ASPSCR1: variants seen among roughly 807,000 people sequenced by gnomAD.
The protein encoded by ASPSCR1 is tether containing UBX domain for GLUT4.
ASPSCR1 carries 55 observed loss-of-function variants against 68.9 expected under a neutral mutation model. That is an observed-to-expected ratio of 0.80 (90% CI 0.64 to 1.00). The LOEUF (loss-of-function observed/expected upper bound fraction) is 1.00, where lower values mean the gene tolerates loss of function less well. ASPSCR1 is among the 50% of genes least tolerant of loss of function. The pLI, the probability that ASPSCR1 is intolerant of heterozygous loss-of-function variation, is 0.00. For missense variants in ASPSCR1, 765 were observed against 762.2 expected, an observed-to-expected ratio of 1.00 and a Z score of -0.04; for synonymous variants, 352 against 332.6, an observed-to-expected ratio of 1.06 and a Z score of -0.63.
intron 12 of ASPSCR1, chr17:82,015,511 C>A: frequency 2.0e-6 from 2 of 1,022,148 alleles, no homozygotes; most frequent in Non-Finnish European, 2.8e-6. Context: ...GGTTGGGGGT[C>A]CTGGCCTGTG....
intron 10 of ASPSCR1, 59 bp downstream of exon 10, chr17:82,010,927 G>A (rs1366472618): frequency 1.6e-5 from 25 of 1,573,332 alleles, no homozygotes; most frequent in Middle Eastern, 2.1e-4. Context: ...GGCCTCTCCC[G>A]GCTCCTTCCT....
chr17:82,009,412 G>T, intron 8 of ASPSCR1, 74 bp from the exon 9 acceptor site: 1 of 1,465,468 alleles, frequency 6.8e-7, no homozygotes, highest in African/African-American at 1.4e-5. Flanking sequence ...GAGGGTGCAG[G>T]TGAGGAGCCC....
intron 4 of ASPSCR1, among the ~76,000 whole-genome samples, chr17:81,994,425 G>A (rs1197054701): frequency 1.3e-5 from 2 of 152,212 alleles, no homozygotes; most frequent in East Asian, 1.9e-4. Flanking sequence ...CCCAGACGTC[G>A]GTACCCTGAC....
Position 81,977,888 on chromosome 17 carries a change from C to T in ASPSCR1, c.102+140C>T, listed in dbSNP as rs2041657470. 7.4e-6 allele frequency: 4 copies of T among 541,234 alleles called. No homozygotes were observed. The highest frequency in any genetic ancestry group is 1.2e-3 in the Middle Eastern group (2 of 1,672). 33.5% of individuals were successfully genotyped at this position (541,234 alleles called of 1,614,324 possible). ...GCGGCCTCCTGAGCGGCGGCCCCGC[C>T]CCCTGCTCGCCGTCACCTGCGCTTC... On this transcript the variant is annotated intron_variant, in intron 1 of 15. Transcript: ENST00000306739. This position sits in a 1 kb window ranked among gnomAD's most constrained non-coding sequence, Gnocchi z 5.0.
chr17:81,995,762 G>A (rs1414497567), intron 5 of ASPSCR1, among the ~76,000 whole-genome samples: 2 of 152,236 alleles, frequency 1.3e-5, no homozygotes, highest in South Asian at 4.1e-4. Context: ...ACCAGGCTGG[G>A]GGAGACACGG....
intron 7 of ASPSCR1, among the ~76,000 whole-genome samples, chr17:82,000,757 A>G (rs2042502535): frequency 6.6e-6 from 1 of 152,170 alleles, no homozygotes; most frequent in Admixed American, 6.5e-5. Context: ...AATTATTAGA[A>G]GGTAGTTTTA....
chr17:81,998,443 G>A (rs2042427048), intron 7 of ASPSCR1, among the ~76,000 whole-genome samples: 1 of 152,068 alleles, frequency 6.6e-6, no homozygotes, highest in African/African-American at 2.4e-5. Context: ...TGGGCCTCTG[G>A]TGCTTTTGGA....
At chr17:81,995,293 G>T in intron 5 of ASPSCR1, 1 of 360,116 alleles carries the variant, frequency 2.8e-6, no homozygotes, top group Non-Finnish European at 5.0e-6. Flanking sequence ...GGGTGGGGGG[G>T]CACTGGCCCG....
chr17:82,010,961 C>T lies in ASPSCR1; in HGVS notation c.1237+93C>T, dbSNP rs955497866. On this transcript the variant is annotated intron_variant, in intron 10 of 15. Coordinates refer to ENST00000306739, the MANE Select transcript of ASPSCR1 (RefSeq NM_024083.4). ...CTTCCAGGCCACAGGACTGCAGCCA[C>T]CTGGCCTGCGGGCTCCAGGGCACTG... The T allele has an allele frequency of 4.8e-6, 7 of 1,471,574 alleles. No homozygotes were observed. The African/African-American group carries it at 9.8e-5, about 20-fold the overall frequency. 91.2% of individuals were successfully genotyped at this position (1,471,574 alleles called of 1,614,324 possible). A position where few individuals can be genotyped will look rare whatever the true frequency, so the allele number is the denominator to read the frequency against.
intron 11 of ASPSCR1, chr17:82,012,022 T>A: frequency 1.5e-6 from 1 of 679,782 alleles, no homozygotes; most frequent in East Asian, 2.7e-5. Context: ...ACGGGTGGTG[T>A]CCCCTGCAGG....
rs1012125617 is a variant in ASPSCR1, at chr17:82,008,980, G to A, written c.934-57G>A. 163 of 1,433,516 alleles carry A rather than the reference G, an allele frequency of 1.1e-4. No individual in the cohort carries two copies. In the East Asian group the frequency reaches 3.9e-3, roughly 34 times the overall value. The allele number at this position is 1,433,516 out of a possible 1,614,324, so 88.8% of individuals were successfully genotyped here. On this transcript the variant is annotated intron_variant, in intron 7 of 15. Coordinates refer to ENST00000306739, the MANE Select transcript of ASPSCR1 (RefSeq NM_024083.4). ...ACCTCGGCTGGGGCACTGACAGCCCGGGGTGCGGAGGGCCCAGCCCGTGAC... is the reference window on the plus strand; with the variant it reads ...ACCTCGGCTGGGGCACTGACAGCCCAGGGTGCGGAGGGCCCAGCCCGTGAC...
At chr17:82,010,679 G>T (rs987426466) in intron 9 of ASPSCR1, 123 bp from the exon 10 acceptor site, 7 of 995,402 alleles carry the variant, frequency 7.0e-6, no homozygotes, top group East Asian at 2.4e-5. Context: ...GATTGGGGGT[G>T]GCTGCTTCTG....
chr17:82,003,554 C>T (rs1033467862), intron 7 of ASPSCR1, among the ~76,000 whole-genome samples: 1 of 152,248 alleles, frequency 6.6e-6, no homozygotes, highest in Non-Finnish European at 1.5e-5. Context: ...ATGCTGTGCT[C>T]AGCCTGGGGG....
At chr17:82,015,532 T>C (rs1487027316) in intron 12 of ASPSCR1, 2 of 837,610 alleles carry the variant, frequency 2.4e-6, no homozygotes, top group East Asian at 5.4e-5. Context: ...GGGGCTATGA[T>C]GAGAACCAGG....
rs2042185063 is a variant in ASPSCR1, at chr17:81,992,004, C to T, written c.375-2817C>T. 2.0e-5 allele frequency among the ~76,000 whole-genome samples: 3 copies of T among 152,272 alleles called. No homozygotes were observed. In the South Asian group the frequency reaches 6.2e-4, roughly 32 times the overall value. ...AGCCAGCAGCAGAGGCGTGTCTGCC[C>T]TCCTGGCCGTCCCGCTGGCTTCTGG... On this transcript the variant is annotated intron_variant, in intron 4 of 15. Coordinates refer to ENST00000306739, the MANE Select transcript of ASPSCR1 (RefSeq NM_024083.4).
In ASPSCR1 at chr17:81,983,473, TGGGACGGGGATGGC is replaced by T; in HGVS notation, c.159-77_159-64del. 9.8e-7 allele frequency: 1 copy of T among 1,022,066 alleles called. No homozygotes were observed. The highest frequency in any genetic ancestry group is 1.8e-5 in the South Asian group (1 of 55,540). The allele number at this position is 1,022,066 out of a possible 1,614,324, so 63.3% of individuals were successfully genotyped here. On this transcript the variant is annotated intron_variant, in intron 2 of 15. Coordinates refer to ENST00000306739, the MANE Select transcript of ASPSCR1 (RefSeq NM_024083.4). The surrounding 1 kb of genome is among the most constrained non-coding windows in gnomAD (Gnocchi z 4.4). ...GGCGTGGATGGCGGGGCGTGGATGG[TGGGACGGGGATGGC>T]GGGGCGTGGATGGCAGGGCGTGTCA... is the stretch of plus-strand genomic sequence containing the variant.
chr17:82,008,346 C>T (rs2042792114), intron 7 of ASPSCR1: 1 of 152,296 alleles, frequency 6.6e-6, no homozygotes, highest in Non-Finnish European at 1.5e-5. Context: ...GGCTCCAGGC[C>T]ACCCCAACTC....
chr17:81,996,371 C>CG, intron 6 of ASPSCR1, 49 bp from the exon 7 acceptor site: 1 of 1,530,808 alleles, frequency 6.5e-7, no homozygotes, highest in Non-Finnish European at 8.8e-7. Flanking sequence ...GAGGGTGAGC[C>CG]GGGGGTAGGC....
At chr17:82,000,284 C>T (rs912463640) in intron 7 of ASPSCR1, among the ~76,000 whole-genome samples, 5 of 152,222 alleles carry the variant, frequency 3.3e-5, no homozygotes, top group South Asian at 2.1e-4. Context: ...GAGTAGTGCC[C>T]GCCCGTGCTC....
Sources: allele counts gnomAD v4.1 joint callset (sites outside exome capture counted in the v4.1 genomes callset), GRCh38; gene constraint gnomAD v4.1.1; non-coding constraint Gnocchi (gnomAD v3.1); transcripts MANE v1.5; gene names NCBI Gene and HGNC (gene_info 2026-07-23, HGNC 2026-07-21).